Variants in HECTD4 observed in about 807,000 individuals in gnomAD.
HECTD4 encodes the protein HECT domain E3 ubiquitin protein ligase 4, also known as probable E3 ubiquitin-protein ligase HECTD4.
A neutral mutation model predicts 471.5 loss-of-function variants in HECTD4; 114 were observed. The observed-to-expected ratio is 0.24, with a 90% CI of 0.21 to 0.28. The LOEUF (loss-of-function observed/expected upper bound fraction) is 0.28, where lower values mean the gene tolerates loss of function less well. HECTD4 is among the 10% of genes least tolerant of loss of function. The pLI, the probability that HECTD4 is intolerant of heterozygous loss-of-function variation, is 1.00. For missense variants in HECTD4, 3,866 were observed against 5,651.5 expected, an observed-to-expected ratio of 0.68 and a Z score of 10.13; for synonymous variants, 2,012 against 2,256.0, an observed-to-expected ratio of 0.89 and a Z score of 3.07.
At chr12:112,313,327 T>C (rs2035408388) in intron 3 of HECTD4, among the ~76,000 whole-genome samples, 180 bp from the exon 4 acceptor site, 1 of 151,890 alleles carries the variant, frequency 6.6e-6, no homozygotes, top group African/African-American at 2.4e-5. Context: ...TGTTTCTTTT[T>C]TTTTTGAGAC....
intron 45 of HECTD4, 37 bp downstream of exon 45, chr12:112,219,349 A>G: frequency 7.0e-7 from 1 of 1,436,218 alleles, no homozygotes; most frequent in Non-Finnish European, 9.8e-7. Context: ...ATGTGTGTGG[A>G]GGCTGCAGGA....
At chr12:112,352,721 C>T (rs1157690901) in intron 1 of HECTD4, among the ~76,000 whole-genome samples, 2 of 152,078 alleles carry the variant, frequency 1.3e-5, no homozygotes, top group African/African-American at 4.8e-5. Flanking sequence ...ATCCTCCCAC[C>T]TCAGCCTCCC....
Position 112,184,029 on chromosome 12 carries a change from C to T in HECTD4, c.10779+158G>A, listed in dbSNP as rs953899355. Among the ~76,000 whole-genome samples the T allele has an allele frequency of 2.6e-5, 4 of 152,228 alleles. No homozygotes were observed. The highest frequency in any genetic ancestry group is 9.6e-5 in the African/African-American group (4 of 41,458). On this transcript the variant is annotated intron_variant, in intron 61 of 75. Transcript: ENST00000682272. This position sits in a 1 kb window ranked among gnomAD's most constrained non-coding sequence, Gnocchi z 9.1. ...ACTTGGTGTCACTCAGAGACGTTAC[C>T]CCAAGCAGCCTCACTGTGCTCATTC...
intron 2 of HECTD4, among the ~76,000 whole-genome samples, chr12:112,317,765 G>GC (rs2035507361): frequency 2.0e-5 from 3 of 152,092 alleles, no homozygotes; most frequent in Non-Finnish European, 4.4e-5. Flanking sequence ...GATTGCTTCA[G>GC]CTCAGGAGTT....
At chr12:112,279,067 T>C (rs1190954369) in intron 9 of HECTD4, among the ~76,000 whole-genome samples, 161 bp downstream of exon 9, 2 of 152,250 alleles carry the variant, frequency 1.3e-5, no homozygotes, top group African/African-American at 4.8e-5. Context: ...AATTATATTG[T>C]TAAATCTTCC....
chr12:112,305,214 T>C (rs1250737270), intron 7 of HECTD4, among the ~76,000 whole-genome samples: 3 of 152,178 alleles, frequency 2.0e-5, no homozygotes, highest in Admixed American at 2.0e-4. Flanking sequence ...TTTTATTAAA[T>C]TTCAAGTGAA....
rs1443338652 is a variant in HECTD4 at position 112,311,118 on chromosome 12, CG to C, written c.917-1450del. ...CTCTACTAAAAATACAAAAATTAGC[CG>C]GGCATGGTGGTGGGCACTTGTAATC... On this transcript the variant is annotated intron_variant, in intron 4 of 75. Coordinates refer to ENST00000682272, the MANE Select transcript of HECTD4 (RefSeq NM_001388303.1). 1.5e-4 allele frequency among the ~76,000 whole-genome samples: 23 copies of C among 152,050 alleles called. No homozygotes were observed. The East Asian group carries it at 4.5e-3, about 29-fold the overall frequency.
intron 1 of HECTD4, among the ~76,000 whole-genome samples, chr12:112,348,839 T>C (rs764690156): frequency 6.6e-6 from 1 of 152,136 alleles, no homozygotes; most frequent in Non-Finnish European, 1.5e-5. Context: ...TAAACCTATG[T>C]ATGTATATAT....
rs778578844 is a variant in HECTD4 at position 112,264,199 on chromosome 12, C to G, written c.2633G>C (p.Cys878Ser). The change falls in exon 17 of 76, where the codon TGC becomes TCC. Residue 878 changes from cysteine (C) to serine (S), a missense_variant. Cys to Ser is a moderately radical substitution (Grantham distance 112). Coordinates refer to ENST00000682272, the MANE Select transcript of HECTD4 (RefSeq NM_001388303.1). Reference sequence around the variant, plus strand: ...CTGAACTGCCATCAGATAGCGCAGGCAGGAGGATGCAGCCTTTAATACAAA... The same window carrying G: ...CTGAACTGCCATCAGATAGCGCAGGGAGGAGGATGCAGCCTTTAATACAAA... ...LLSTVPAASS[C>S]LRYLMAVQNH... 1 of 1,595,554 alleles carries G rather than the reference C, an allele frequency of 6.3e-7. No individual in the cohort carries two copies. The highest frequency in any genetic ancestry group is 2.3e-5 in the East Asian group (1 of 44,416).
chr12:112,228,786 C>T lies in HECTD4; in HGVS notation c.6545G>A (p.Ser2182Asn). The T allele has an allele frequency of 6.2e-7, 1 of 1,613,820 alleles. No homozygotes were observed. The highest frequency in any genetic ancestry group is 8.5e-7 in the Non-Finnish European group (1 of 1,179,840). The change falls in exon 42 of 76, where the codon AGC becomes AAC. Residue 2182 changes from serine (S) to asparagine (N), a missense_variant. This residue lies in a region of HECTD4 where 617 missense variants were observed against 915.1 expected (regional missense o/e 0.67). Transcript: ENST00000682272. This position sits in a 1 kb window ranked among gnomAD's most constrained non-coding sequence, Gnocchi z 4.9. ...ATTGATAGAAGCCACTACTCCAATGCTTCCTGAAATTCCTCTACCTAAAAC... is the reference window on the plus strand; with the variant it reads ...ATTGATAGAAGCCACTACTCCAATGTTTCCTGAAATTCCTCTACCTAAAAC... ...VQVLGRGISG[S>N]IGVVASINEQ...
At position 112,169,560 on chromosome 12, in the gene HECTD4, C is replaced by T. The variant is rs1448758539; in HGVS notation, c.12151G>A (p.Gly4051Ser). 4 of 1,613,544 alleles carry T rather than the reference C, an allele frequency of 2.5e-6. No homozygotes were observed. The highest frequency in any genetic ancestry group is 3.4e-6 in the Non-Finnish European group (4 of 1,179,874). The part of the protein sequence containing the change: ...SQLCVKLASG[G>S]DPTYAFNIRF... Reference sequence around the variant, plus strand: ...ATGTTGAAGGCATATGTGGGGTCACCGCCACTGGCCAGCTTGACGCAGAGC... The same window carrying T: ...ATGTTGAAGGCATATGTGGGGTCACTGCCACTGGCCAGCTTGACGCAGAGC... The change falls in exon 70 of 76, where the codon GGT (glycine) becomes AGT (serine). Residue 4051 changes from glycine to serine, a missense_variant. Coordinates refer to ENST00000682272, the MANE Select transcript of HECTD4 (RefSeq NM_001388303.1).
At chr12:112,226,949 C>G (rs1026758629) in intron 43 of HECTD4, 191 bp from the exon 44 acceptor site, 1 of 466,342 alleles carries the variant, frequency 2.1e-6, no homozygotes, top group Non-Finnish European at 3.8e-6. Context: ...TTTTGCCACA[C>G]AGTAACTGCT....
At chr12:112,204,360 G>T in intron 53 of HECTD4, 126 bp downstream of exon 53, 1 of 937,828 alleles carries the variant, frequency 1.1e-6, no homozygotes, top group Non-Finnish European at 1.6e-6. Context: ...GTGTGGAAGA[G>T]GTTAGCCCAG....
chr12:112,361,205 T>A (rs939576375), intron 1 of HECTD4, among the ~76,000 whole-genome samples: 2 of 152,148 alleles, frequency 1.3e-5, no homozygotes, highest in Non-Finnish European at 2.9e-5. Context: ...CTCCCATCCA[T>A]ATTTTCTTCA....
intron 3 of HECTD4, among the ~76,000 whole-genome samples, chr12:112,313,915 C>T (rs1383165171): frequency 1.3e-5 from 2 of 152,082 alleles, no homozygotes; most frequent in Admixed American, 1.3e-4. Flanking sequence ...AATTAGGAAG[C>T]ATATGTACCA....
chr12:112,314,474 T>C lies in HECTD4; in HGVS notation c.768A>G (p.Val256=). ...CAACTTACCTATATAGCACATCAGCTACAGGCAGGGACCCTAGATCCGTCT... is the reference window on the plus strand; with the variant it reads ...CAACTTACCTATATAGCACATCAGCCACAGGCAGGGACCCTAGATCCGTCT... The part of the protein sequence containing the change: ...QKQTDLGSLP[V]ADVLYRLLLL... The change falls in exon 3 of 76, where the codon GTA becomes GTG. Residue 256 remains valine, a synonymous_variant. Coordinates refer to ENST00000682272, the MANE Select transcript of HECTD4 (RefSeq NM_001388303.1). 6.5e-7 allele frequency: 1 copy of C among 1,527,080 alleles called. No homozygotes were observed. The allele number at this position is 1,527,080 out of a possible 1,614,324, so 94.6% of individuals were successfully genotyped here.
At chr12:112,210,763 T>C (rs2032739734) in intron 49 of HECTD4, among the ~76,000 whole-genome samples, 1 of 152,228 alleles carries the variant, frequency 6.6e-6, no homozygotes, top group Admixed American at 6.5e-5. Context: ...CACATGCATA[T>C]TTATGTGATT....
At chr12:112,368,436 A>T (rs1218280948) in intron 1 of HECTD4, among the ~76,000 whole-genome samples, 1 of 152,232 alleles carries the variant, frequency 6.6e-6, no homozygotes, top group Non-Finnish European at 1.5e-5. Flanking sequence ...AACAGATAAC[A>T]CTTTAAATAC....
chr12:112,172,962 C>T lies in HECTD4; in HGVS notation c.11595-101G>A, dbSNP rs953382118. 4.1e-5 allele frequency: 42 copies of T among 1,028,806 alleles called. No individual in the cohort carries two copies. In the African/African-American group the frequency reaches 5.5e-4, roughly 13 times the overall value. 63.7% of individuals were successfully genotyped at this position (1,028,806 alleles called of 1,614,324 possible). A position where few individuals can be genotyped will look rare whatever the true frequency, so the allele number is the denominator to read the frequency against. ...AGCCCTGTCCTCAGCTCCTGGAGCACATTCAGAAGACGGCCTCGCCTTCCA... is the reference window on the plus strand; with the variant it reads ...AGCCCTGTCCTCAGCTCCTGGAGCATATTCAGAAGACGGCCTCGCCTTCCA... On this transcript the variant is annotated intron_variant, in intron 66 of 75. Transcript: ENST00000682272.
Sources: allele counts gnomAD v4.1 joint callset (sites outside exome capture counted in the v4.1 genomes callset), GRCh38; gene constraint gnomAD v4.1.1; regional missense constraint gnomAD v4.1.1; non-coding constraint Gnocchi (gnomAD v3.1); transcripts MANE v1.5; gene names NCBI Gene and HGNC (gene_info 2026-07-23, HGNC 2026-07-21).